The following KHDRBS2 variants were observed in gnomAD, a reference collection of about 807,000 sequenced individuals.
KHDRBS2 encodes KH domain-containing, RNA-binding, signal transduction-associated protein 2.
In KHDRBS2, 26 loss-of-function variants were observed where a neutral mutation model predicts 44.3. That is an observed-to-expected ratio of 0.59 (90% confidence interval 0.43 to 0.81). KHDRBS2 has a LOEUF of 0.81. KHDRBS2 is among the 40% of genes least tolerant of loss of function. KHDRBS2 has a pLI of 0.00. For synonymous variants in KHDRBS2, 194 were observed against 151.1 expected, an observed-to-expected ratio of 1.28 and a Z score of -2.08; for missense variants, 476 against 433.1, an observed-to-expected ratio of 1.10 and a Z score of -0.88.
intron 3 of KHDRBS2, among the ~76,000 whole-genome samples, chr6:62,023,904 A>C (rs1782805443): frequency 6.6e-6 from 1 of 151,174 alleles, no homozygotes; most frequent in African/African-American, 2.4e-5. Context: ...TCACCTAATA[A>C]TACATATTAT....
intron 4 of KHDRBS2, among the ~76,000 whole-genome samples, chr6:61,945,471 A>G (rs1443072911): frequency 6.6e-6 from 1 of 151,958 alleles, no homozygotes; most frequent in Non-Finnish European, 1.5e-5. Context: ...TATATTTCAT[A>G]GCAAGATACA....
intron 7 of KHDRBS2, among the ~76,000 whole-genome samples, chr6:61,700,785 G>T (rs1768530914): frequency 6.6e-6 from 1 of 151,562 alleles, no homozygotes; most frequent in Admixed American, 6.6e-5. Context: ...TATCTGCAAT[G>T]CAAACAAAGA....
At chr6:61,596,324 C>G in the KHDRBS2 span, among the ~76,000 whole-genome samples, 1 of 152,080 alleles carries the variant, frequency 6.6e-6, no homozygotes, top group East Asian at 1.9e-4. Context: ...AATAGTCCCA[C>G]GCAAAAAATT....
At chr6:61,634,207 C>T in the KHDRBS2 span, among the ~76,000 whole-genome samples, 6 of 151,346 alleles carry the variant, frequency 4.0e-5, no homozygotes, top group African/African-American at 4.9e-5. Flanking sequence ...TCCCAGTGGC[C>T]GGGTCAGACA....
chr6:62,207,697 T>C (rs943839669), intron 1 of KHDRBS2, among the ~76,000 whole-genome samples: 8 of 152,206 alleles, frequency 5.3e-5, no homozygotes, highest in Non-Finnish European at 1.0e-4. Flanking sequence ...CCATTGATTG[T>C]CATATGGCTA....
intron 6 of KHDRBS2, among the ~76,000 whole-genome samples, chr6:61,815,249 T>C (rs560815236): frequency 5.1e-4 from 78 of 152,250 alleles, no homozygotes; most frequent in Admixed American, 2.2e-3. Context: ...GGATGATTCA[T>C]GTCCCAGGAG....
At chr6:62,108,475 A>G (rs1258503963) in intron 2 of KHDRBS2, among the ~76,000 whole-genome samples, 1 of 152,158 alleles carries the variant, frequency 6.6e-6, no homozygotes, top group Non-Finnish European at 1.5e-5. Flanking sequence ...GTGGAGAAAT[A>G]GGAACACTTT....
chr6:62,002,074 A>C (rs1248920168), intron 3 of KHDRBS2, among the ~76,000 whole-genome samples: 4 of 152,082 alleles, frequency 2.6e-5, no homozygotes, highest in African/African-American at 9.7e-5. Flanking sequence ...GAATAGTTAG[A>C]GCACCTTTTT....
At chr6:61,682,644 ATATT>A (rs2127538396) in intron 8 of KHDRBS2, among the ~76,000 whole-genome samples, 1 of 151,994 alleles carries the variant, frequency 6.6e-6, no homozygotes, top group African/African-American at 2.4e-5. Context: ...AAAGCCTAAA[ATATT>A]TATACTCTGG....
At chr6:62,248,054 C>T (rs1465443741) in intron 1 of KHDRBS2, among the ~76,000 whole-genome samples, 1 of 151,922 alleles carries the variant, frequency 6.6e-6, no homozygotes, top group Non-Finnish European at 1.5e-5. Flanking sequence ...GAAATGTTAC[C>T]CATAAATTAA....
intron 1 of KHDRBS2, among the ~76,000 whole-genome samples, chr6:62,222,279 T>G (rs1327724299): frequency 3.3e-5 from 5 of 151,462 alleles, no homozygotes; most frequent in Non-Finnish European, 5.9e-5. Context: ...TTGGGGAGAA[T>G]GTATTACTCC....
intron 3 of KHDRBS2, among the ~76,000 whole-genome samples, chr6:62,033,700 A>G (rs1371950786): frequency 1.3e-5 from 2 of 151,362 alleles, no homozygotes; most frequent in Non-Finnish European, 3.0e-5. Flanking sequence ...ATATATATAT[A>G]TGCAAACATG....
chr6:62,183,420 A>G (rs908168163), intron 1 of KHDRBS2, among the ~76,000 whole-genome samples: 3 of 151,730 alleles, frequency 2.0e-5, no homozygotes, highest in Non-Finnish European at 3.0e-5. Flanking sequence ...ATTAAATAGT[A>G]CTAAATATGT....
chr6:62,052,909 C>A (rs1335846244), intron 2 of KHDRBS2, among the ~76,000 whole-genome samples: 3 of 151,844 alleles, frequency 2.0e-5, no homozygotes, highest in Non-Finnish European at 4.4e-5. Flanking sequence ...GGATTGGGGA[C>A]CCCTGGTGTA....
At chr6:61,823,850 C>G (rs1180781855) in intron 6 of KHDRBS2, among the ~76,000 whole-genome samples, 1 of 152,006 alleles carries the variant, frequency 6.6e-6, no homozygotes, top group Non-Finnish European at 1.5e-5. Context: ...AATCAAAAAC[C>G]AGTAAAACAT....
chr6:62,077,328 T>C (rs1480501829), intron 2 of KHDRBS2, among the ~76,000 whole-genome samples: 1 of 151,990 alleles, frequency 6.6e-6, no homozygotes, highest in East Asian at 1.9e-4. Context: ...CCAGGCCTTA[T>C]GGGGATGGGA....
chr6:62,238,073 T>G (rs1833993579), intron 1 of KHDRBS2, among the ~76,000 whole-genome samples: 1 of 148,550 alleles, frequency 6.7e-6, no homozygotes, highest in African/African-American at 2.5e-5. Flanking sequence ...AAAAAAAAAT[T>G]GATATAGTTT....
At chr6:61,621,901 T>C in the KHDRBS2 span, among the ~76,000 whole-genome samples, 1 of 152,166 alleles carries the variant, frequency 6.6e-6, no homozygotes, top group Non-Finnish European at 1.5e-5. Context: ...GAGAAGGTAT[T>C]TAGGTATTCT....
intron 2 of KHDRBS2, among the ~76,000 whole-genome samples, chr6:62,132,338 T>C (rs771781777): frequency 6.6e-6 from 1 of 152,102 alleles, no homozygotes; most frequent in African/African-American, 2.4e-5. Context: ...TACCTTAAGG[T>C]TGTAGTCCTC....
Sources: allele counts gnomAD v4.1 joint callset (sites outside exome capture counted in the v4.1 genomes callset), GRCh38; gene constraint gnomAD v4.1.1; transcripts MANE v1.5; gene names NCBI Gene and HGNC (gene_info 2026-07-23, HGNC 2026-07-21).